The following HAAO variants were observed in gnomAD, a reference collection of about 807,000 sequenced individuals.
HAAO encodes the protein 3-hydroxyanthranilate 3,4-dioxygenase.
A neutral mutation model predicts 46.2 loss-of-function variants in HAAO; 49 were observed. That is an observed-to-expected ratio of 1.06 (90% CI 0.84 to 1.34). The LOEUF is 1.34. Ranked by LOEUF, HAAO falls within the 40% of genes most tolerant of loss-of-function variation. The pLI is 0.00. For missense variants in HAAO, 408 were observed against 364.5 expected, an observed-to-expected ratio of 1.12 and a Z score of -0.97; for synonymous variants, 157 against 145.2, an observed-to-expected ratio of 1.08 and a Z score of -0.58.
chr2:42,779,993 C>T (rs972472077), intron 4 of HAAO, among the ~76,000 whole-genome samples: 1 of 152,078 alleles, frequency 6.6e-6, no homozygotes, highest in African/African-American at 2.4e-5. Flanking sequence ...ATGGGAAACT[C>T]CTATAATCCT....
intron 2 of HAAO, among the ~76,000 whole-genome samples, chr2:42,786,637 T>A (rs1017340146): frequency 6.6e-6 from 1 of 152,002 alleles, no homozygotes; most frequent in Non-Finnish European, 1.5e-5. Context: ...GATCCCGGGG[T>A]TAGTAAGCGG....
At chr2:42,771,761 A>G (rs1671145238) in intron 4 of HAAO, among the ~76,000 whole-genome samples, 1 of 152,250 alleles carries the variant, frequency 6.6e-6, no homozygotes, top group South Asian at 2.1e-4. Flanking sequence ...GCCCAAGCCC[A>G]GCTCCTGGGC....
At position 42,767,479 on chromosome 2, in the gene HAAO, C is replaced by T. The variant is rs1670750186; in HGVS notation, c.819G>A (p.Leu273=). 6.2e-7 allele frequency: 1 copy of T among 1,613,236 alleles called. No individual in the cohort carries two copies. Among genetic ancestry groups the T allele is most frequent in the Non-Finnish European group, 8.5e-7 (1 of 1,179,744 alleles). Residue 273 remains leucine, a synonymous_variant, in exon 10 of 10, where the codon CTG becomes CTA. Coordinates refer to ENST00000294973, the MANE Select transcript of HAAO (RefSeq NM_012205.3). ...AWERTQGSVA[L]SVTQDPACKK... is the part of the protein sequence containing the mutation. Reference sequence around the variant, plus strand: ...TGCAGGCAGGGTCCTGGGTCACAGACAGGGCCACAGAGCCTTGTGTTCGCT... The same window carrying T: ...TGCAGGCAGGGTCCTGGGTCACAGATAGGGCCACAGAGCCTTGTGTTCGCT...
At position 42,770,528 on chromosome 2, in the gene HAAO, C is replaced by T; in HGVS notation, c.405G>A (p.Lys135=). 4 of 1,553,412 alleles carry T rather than the reference C, an allele frequency of 2.6e-6. No homozygotes were observed. Among genetic ancestry groups the T allele is most frequent in the Non-Finnish European group, 3.5e-6 (4 of 1,147,888 alleles). ...DVLFEKWFYC[K]DLGTQLAPII... is the part of the protein sequence containing the mutation. ...TGGGGGCCAACTGCGTGCCGAGGTCCTTGCAGTAGAACCACTTCTCAAACA... is the reference window on the plus strand; with the variant it reads ...TGGGGGCCAACTGCGTGCCGAGGTCTTTGCAGTAGAACCACTTCTCAAACA... Residue 135 remains lysine, a synonymous_variant, in exon 5 of 10, where the codon AAG becomes AAA. Transcript: ENST00000294973.
chr2:42,771,013 T>A (rs1671072283), intron 4 of HAAO, among the ~76,000 whole-genome samples: 2 of 152,208 alleles, frequency 1.3e-5, no homozygotes. Flanking sequence ...AGGCTGAGCC[T>A]GAAACCAGGG....
intron 1 of HAAO, among the ~76,000 whole-genome samples, chr2:42,790,607 G>C (rs10180962): frequency 0.8 from 121,117 of 151,066 alleles, 48,903 homozygotes; most frequent in Middle Eastern, 0.93. Flanking sequence ...CTTCGGCTCA[G>C]TGCAGCCTCC....
At chr2:42,779,017 G>A (rs903865665) in intron 4 of HAAO, among the ~76,000 whole-genome samples, 2 of 152,114 alleles carry the variant, frequency 1.3e-5, no homozygotes, top group African/African-American at 2.4e-5. Context: ...GGAGGCTGAG[G>A]CAGGAGAATC....
intron 4 of HAAO, among the ~76,000 whole-genome samples, chr2:42,780,429 A>G (rs1671901797): frequency 6.6e-6 from 1 of 151,636 alleles, no homozygotes; most frequent in African/African-American, 2.4e-5. Context: ...AATGGTCTCG[A>G]TCTCTTGACC....
chr2:42,780,099 G>C (rs975032311), intron 4 of HAAO, among the ~76,000 whole-genome samples: 1 of 152,016 alleles, frequency 6.6e-6, no homozygotes, highest in African/African-American at 2.4e-5. Context: ...CTGCGTCTTT[G>C]ACTATGGCTG....
At chr2:42,790,538 T>TG (rs1468417252) in intron 1 of HAAO, among the ~76,000 whole-genome samples, 1 of 6,932 alleles carries the variant, frequency 1.4e-4, no homozygotes, top group Non-Finnish European at 2.3e-4. Context: ...GTTTGTTTTT[T>TG]TTTTTTTTTT....
intron 4 of HAAO, among the ~76,000 whole-genome samples, chr2:42,778,980 G>A (rs1013251907): frequency 6.6e-6 from 1 of 152,022 alleles, no homozygotes; most frequent in African/African-American, 2.4e-5. Context: ...AGGCATGGTG[G>A]CACATGTCTG....
chr2:42,769,676 G>A (rs772756448), intron 7 of HAAO, 37 bp downstream of exon 7: 4 of 1,569,192 alleles, frequency 2.5e-6, no homozygotes, highest in Non-Finnish European at 3.5e-6. Flanking sequence ...CAGGGCTGCT[G>A]TGGGAGGATG....
At chr2:42,776,318 C>T (rs1671576292) in intron 4 of HAAO, among the ~76,000 whole-genome samples, 2 of 144,530 alleles carry the variant, frequency 1.4e-5, no homozygotes, top group African/African-American at 2.6e-5. Flanking sequence ...CGACTCACTG[C>T]AACCTCTGCC....
At chr2:42,771,217 A>AAATAATAAT (rs149399688) in intron 4 of HAAO, among the ~76,000 whole-genome samples, 4 of 150,590 alleles carry the variant, frequency 2.7e-5, no homozygotes, top group Non-Finnish European at 5.9e-5. Context: ...TCTCTACTAA[A>AAATAATAAT]AATAATAATA....
rs1670812506 is a variant in HAAO, at chr2:42,768,170, T to C, written c.631-242A>G. Among the ~76,000 whole-genome samples the C allele has an allele frequency of 3.9e-5, 6 of 152,362 alleles. No homozygotes were observed. In the Middle Eastern group the frequency reaches 0.01, roughly 259 times the overall value. ...ACACATGCCTGCCTTTCACGTGCAGTGCACCCGTGGTCCCTCTGATGTGTG... is the reference window on the plus strand; with the variant it reads ...ACACATGCCTGCCTTTCACGTGCAGCGCACCCGTGGTCCCTCTGATGTGTG... On this transcript the variant is annotated intron_variant, in intron 7 of 9. Transcript: ENST00000294973.
chr2:42,783,250 G>C lies in HAAO; in HGVS notation c.350+64C>G, dbSNP rs1040039621. 8 of 980,342 alleles carry C rather than the reference G, an allele frequency of 8.2e-6. 1 individual carries two copies. Among genetic ancestry groups the C allele is most frequent in the Admixed American group, 7.8e-5 (4 of 51,180 alleles). The allele number at this position is 980,342 out of a possible 1,614,324, so 60.7% of individuals were successfully genotyped here. On this transcript the variant is annotated intron_variant, in intron 4 of 9. Transcript: ENST00000294973. ...TCTATCTAGGATCCCTTCAGCTGCA[G>C]TTTGGAGCTGTGCTCCTCTGCTGTT...
At chr2:42,773,942 T>C (rs1456121420) in intron 4 of HAAO, among the ~76,000 whole-genome samples, 1 of 152,216 alleles carries the variant, frequency 6.6e-6, no homozygotes, top group Non-Finnish European at 1.5e-5. Flanking sequence ...GATAAATGCA[T>C]ATCTGATTGC....
At chr2:42,769,935 G>T (rs1670977778) in intron 6 of HAAO, 77 bp from the exon 7 acceptor site, 2 of 1,481,284 alleles carry the variant, frequency 1.4e-6, no homozygotes, top group African/African-American at 1.4e-5. Flanking sequence ...GTTCCCAGGG[G>T]CCCCAGGTCT....
chr2:42,767,385 C>T lies in HAAO; in HGVS notation c.*52G>A, dbSNP rs1412220425. On this transcript the variant is annotated 3_prime_UTR_variant, in exon 10 of 10. Transcript: ENST00000294973. ...TGGGAGAGTTGTTTGGCAGGGATGG[C>T]ACTCGAGGGTGCTTGGCACACCTGT... 6 of 1,273,194 alleles carry T rather than the reference C, an allele frequency of 4.7e-6. No homozygotes were observed. Among genetic ancestry groups the T allele is most frequent in the South Asian group, 2.4e-5 (2 of 81,922 alleles). The allele number at this position is 1,273,194 out of a possible 1,614,324, so 78.9% of individuals were successfully genotyped here.
Sources: gnomAD v4.1 joint callset for allele counts (sites outside exome capture counted in the v4.1 genomes callset) on GRCh38, gnomAD v4.1.1 for gene constraint, MANE v1.5 for transcripts, NCBI Gene and HGNC (gene_info 2026-07-23, HGNC 2026-07-21) for gene names.